Variants in INPP4B observed in about 807,000 individuals in gnomAD.
INPP4B encodes the protein inositol polyphosphate 4-phosphatase type II.
In INPP4B, 55 loss-of-function variants were observed where a neutral mutation model predicts 122.5. The observed-to-expected ratio is 0.45, with a 90% CI of 0.36 to 0.56. INPP4B has a LOEUF of 0.56. Ranked by LOEUF, INPP4B falls within the 20% of genes least tolerant of loss-of-function variation. The pLI is 0.00. For missense variants in INPP4B, 1,000 were observed against 1,097.7 expected (o/e 0.91, Z 1.26); for synonymous variants, 403 against 388.7 (o/e 1.04, Z -0.43).
chr4:142,566,825 CAATT>C (rs1243063357), intron 2 of INPP4B, among the ~76,000 whole-genome samples: 1 of 152,106 alleles, frequency 6.6e-6, no homozygotes, highest in East Asian at 1.9e-4. Flanking sequence ...TCTAAGTGCA[CAATT>C]AGACTTATGT....
At chr4:142,560,241 C>T (rs1730160498) in intron 2 of INPP4B, among the ~76,000 whole-genome samples, 2 of 152,150 alleles carry the variant, frequency 1.3e-5, no homozygotes, top group Admixed American at 6.5e-5. Flanking sequence ...CATGCTGAGC[C>T]GGAAAAGGGT....
At chr4:142,354,385 A>G (rs1561916517) in intron 7 of INPP4B, among the ~76,000 whole-genome samples, 2 of 151,986 alleles carry the variant, frequency 1.3e-5, no homozygotes, top group Non-Finnish European at 2.9e-5. Context: ...TATATGTAGG[A>G]AGAACAGAAT....
intron 12 of INPP4B, among the ~76,000 whole-genome samples, chr4:142,228,063 G>A (rs1457512300): frequency 6.6e-6 from 1 of 151,712 alleles, no homozygotes; most frequent in East Asian, 1.9e-4. Context: ...ACTAAAAATG[G>A]AAACATGCAC....
chr4:142,415,086 A>C (rs1272286243), intron 5 of INPP4B, among the ~76,000 whole-genome samples: 1 of 152,204 alleles, frequency 6.6e-6, no homozygotes, highest in East Asian at 1.9e-4. Context: ...CCCTTTCTCC[A>C]GGAGCTGAGG....
intron 17 of INPP4B, among the ~76,000 whole-genome samples, chr4:142,157,157 C>T (rs1167054228): frequency 6.6e-6 from 1 of 152,108 alleles, no homozygotes; most frequent in East Asian, 1.9e-4. Context: ...GTTTCTAATT[C>T]ATTTAATACC....
intron 2 of INPP4B, among the ~76,000 whole-genome samples, chr4:142,634,045 G>C (rs974898289): frequency 6.6e-6 from 1 of 151,428 alleles, no homozygotes; most frequent in South Asian, 2.1e-4. Flanking sequence ...GGAGGGAGGT[G>C]GGGGGAAAAG....
In INPP4B at chr4:142,205,693, C is replaced by T. The variant is rs555918569; in HGVS notation, c.1072+2732G>A. ...TAGCAGACTCAGCTCATGTAAAAAG[C>T]GGTAGTGCTACAATTCAAGCCCAGG... is the stretch of plus-strand genomic sequence containing the variant. On this transcript the variant is annotated intron_variant, in intron 14 of 25. Transcript: ENST00000262992. 3.3e-5 allele frequency among the ~76,000 whole-genome samples: 5 copies of T among 152,210 alleles called. 1 individual carries two copies. Among genetic ancestry groups the T allele is most frequent in the East Asian group, 1.9e-4 (1 of 5,184 alleles).
chr4:142,050,565 C>G (rs1319987280), intron 25 of INPP4B, among the ~76,000 whole-genome samples: 2 of 151,960 alleles, frequency 1.3e-5, no homozygotes, highest in African/African-American at 2.4e-5. Context: ...TATATACAGG[C>G]TTATAATGTA....
chr4:142,254,043 G>C (rs1167774060), intron 11 of INPP4B, among the ~76,000 whole-genome samples: 1 of 151,928 alleles, frequency 6.6e-6, no homozygotes, highest in African/African-American at 2.4e-5. Context: ...GTGGGTCCCT[G>C]ACCCCTGACC....
chr4:142,388,970 A>C (rs1333677811), intron 7 of INPP4B, among the ~76,000 whole-genome samples: 3 of 152,134 alleles, frequency 2.0e-5, no homozygotes, highest in Non-Finnish European at 4.4e-5. Flanking sequence ...AGAAACTTAG[A>C]GGCCCAGTGA....
chr4:142,711,842 G>C (rs1763158043), intron 2 of INPP4B, among the ~76,000 whole-genome samples: 1 of 152,138 alleles, frequency 6.6e-6, no homozygotes, highest in Admixed American at 6.5e-5. Context: ...GAGGCCAGGA[G>C]TTCGAGACCA....
At chr4:142,666,726 C>T (rs915274160) in intron 2 of INPP4B, among the ~76,000 whole-genome samples, 2 of 152,030 alleles carry the variant, frequency 1.3e-5, no homozygotes, top group African/African-American at 4.8e-5. Flanking sequence ...ATTACATCAC[C>T]AGCACTGGCT....
At chr4:142,087,645 A>G (rs1777495781) in intron 23 of INPP4B, among the ~76,000 whole-genome samples, 1 of 152,256 alleles carries the variant, frequency 6.6e-6, no homozygotes, top group Non-Finnish European at 1.5e-5. Context: ...CTGAAGAAAT[A>G]GATGATGTCT....
At chr4:142,033,046 T>C (rs150803136) in intron 25 of INPP4B, among the ~76,000 whole-genome samples, 138 of 152,182 alleles carry the variant, frequency 9.1e-4, no homozygotes, top group African/African-American at 3.0e-3. Flanking sequence ...ACATGTACTT[T>C]GGAGAGAGGA....
intron 18 of INPP4B, among the ~76,000 whole-genome samples, chr4:142,135,264 G>C (rs1030556442): frequency 3.9e-5 from 6 of 152,286 alleles, no homozygotes; most frequent in South Asian, 4.1e-4. Flanking sequence ...TTTTCTTACA[G>C]AGCCAAGTCT....
At chr4:142,336,223 A>G (rs1171918721) in intron 7 of INPP4B, among the ~76,000 whole-genome samples, 1 of 152,208 alleles carries the variant, frequency 6.6e-6, no homozygotes, top group Non-Finnish European at 1.5e-5. Flanking sequence ...CCTCTTGGAT[A>G]TGAGACAAGA....
chr4:142,779,606 C>A (rs752615839), intron 1 of INPP4B, among the ~76,000 whole-genome samples: 38 of 152,042 alleles, frequency 2.5e-4, no homozygotes, highest in Admixed American at 3.9e-4. Context: ...GCATCCCTTC[C>A]CTCTTGTCCT....
intron 2 of INPP4B, among the ~76,000 whole-genome samples, chr4:142,548,775 G>A (rs1246319557): frequency 3.0e-5 from 4 of 135,114 alleles, no homozygotes; most frequent in African/African-American, 8.6e-5. Flanking sequence ...GTGTGTGTGT[G>A]TATACATATA....
At chr4:142,498,215 A>G (rs1822890300) in intron 2 of INPP4B, among the ~76,000 whole-genome samples, 1 of 151,504 alleles carries the variant, frequency 6.6e-6, no homozygotes, top group African/African-American at 2.4e-5. Context: ...ATATATATAT[A>G]TACACATATA....
Sources: gnomAD v4.1 joint callset for allele counts (sites outside exome capture counted in the v4.1 genomes callset) on GRCh38, gnomAD v4.1.1 for gene constraint, MANE v1.5 for transcripts, NCBI Gene and HGNC (gene_info 2026-07-23, HGNC 2026-07-21) for gene names.